The following LRP1B variants were observed in gnomAD, a reference collection of about 807,000 sequenced individuals.
The protein encoded by LRP1B is LDL receptor related protein 1B.
LRP1B carries 217 observed loss-of-function variants against 556.6 expected under a neutral mutation model. That is an observed-to-expected ratio of 0.39 (90% CI 0.35 to 0.44). LRP1B has a LOEUF of 0.44. Among genes scored for constraint, LRP1B ranks in the 20% least tolerant of loss-of-function variants. The pLI is 1.00. For missense variants in LRP1B, 5,053 were observed against 5,620.8 expected (o/e 0.90, Z 3.23); for synonymous variants, 2,047 against 1,865.8 (o/e 1.10, Z -2.50).
chr2:141,812,276 C>G (rs1356304597), intron 1 of LRP1B, among the ~76,000 whole-genome samples: 2 of 151,930 alleles, frequency 1.3e-5, no homozygotes, highest in Non-Finnish European at 2.9e-5. Flanking sequence ...AATTTATCAC[C>G]AAGCTGAGAG....
chr2:141,028,917 A>G (rs996553863), intron 11 of LRP1B, among the ~76,000 whole-genome samples: 2 of 152,122 alleles, frequency 1.3e-5, no homozygotes, highest in African/African-American at 2.4e-5. Flanking sequence ...CAGAATAATC[A>G]CAAAAGAGAA....
chr2:141,899,479 G>A (rs1465868045), intron 1 of LRP1B, among the ~76,000 whole-genome samples: 2 of 152,080 alleles, frequency 1.3e-5, no homozygotes, highest in African/African-American at 2.4e-5. Flanking sequence ...TTATAAATGA[G>A]AGCAGAGCAT....
intron 6 of LRP1B, among the ~76,000 whole-genome samples, chr2:141,196,012 G>C (rs1428326796): frequency 6.6e-6 from 1 of 151,958 alleles, no homozygotes; most frequent in Non-Finnish European, 1.5e-5. Flanking sequence ...GAGAAGCAGG[G>C]GTAAAGGGGC....
intron 4 of LRP1B, 56 bp downstream of exon 4, chr2:141,254,466 T>TGCGG: frequency 6.4e-7 from 1 of 1,569,352 alleles, no homozygotes; most frequent in East Asian, 2.3e-5. Context: ...CTGCTTACAT[T>TGCGG]TCTGTTAACT....
chr2:141,036,812 A>G (rs1468977781), intron 11 of LRP1B, among the ~76,000 whole-genome samples: 1 of 152,058 alleles, frequency 6.6e-6, no homozygotes, highest in Admixed American at 6.6e-5. Flanking sequence ...CTAACCCTGG[A>G]AAAGGGGCAC....
intron 70 of LRP1B, 51 bp from the exon 71 acceptor site, chr2:140,370,893 A>G (rs1330480533): frequency 2.0e-5 from 32 of 1,584,872 alleles, no homozygotes; most frequent in Non-Finnish European, 2.6e-5. Flanking sequence ...TAATGATACA[A>G]TCATGGGCAA....
chr2:140,976,068 T>A (rs1211739380), intron 18 of LRP1B, among the ~76,000 whole-genome samples: 1 of 151,788 alleles, frequency 6.6e-6, no homozygotes, highest in African/African-American at 2.4e-5. Flanking sequence ...CAGGTACCCA[T>A]CACCACCCCT....
chr2:141,380,144 G>A (rs1410695760), intron 3 of LRP1B, among the ~76,000 whole-genome samples: 1 of 151,564 alleles, frequency 6.6e-6, no homozygotes, highest in Non-Finnish European at 1.5e-5. Flanking sequence ...TAGTCCCCCA[G>A]AGTCTACAGA....
chr2:141,463,726 A>G (rs1682041930), intron 3 of LRP1B, among the ~76,000 whole-genome samples: 1 of 144,020 alleles, frequency 6.9e-6, no homozygotes, highest in Non-Finnish European at 1.5e-5. Context: ...TTGGTAGGAA[A>G]CATTTGGATA....
At chr2:141,909,526 A>ATTTTTTTTTTTTTTTTTTTTTTTTT (rs377577096) in intron 1 of LRP1B, among the ~76,000 whole-genome samples, 1 of 93,394 alleles carries the variant, frequency 1.1e-5, no homozygotes, top group Admixed American at 1.2e-4. Flanking sequence ...GGTCTCAGAC[A>ATTTTTTTTTTTTTTTTTTTTTTTTT]TTTTTTTTTT....
At chr2:141,161,866 C>G (rs1553468977) in intron 7 of LRP1B, among the ~76,000 whole-genome samples, 1 of 152,020 alleles carries the variant, frequency 6.6e-6, no homozygotes, top group African/African-American at 2.4e-5. Flanking sequence ...GATATGAGAG[C>G]AGGGGGAAGT....
intron 60 of LRP1B, among the ~76,000 whole-genome samples, chr2:140,471,868 C>A (rs576867624): frequency 6.6e-6 from 1 of 152,126 alleles, no homozygotes; most frequent in East Asian, 1.9e-4. Flanking sequence ...ATATGACTTC[C>A]AGTCATAGGC....
At chr2:140,744,241 T>C (rs1157381374) in intron 35 of LRP1B, among the ~76,000 whole-genome samples, 2 of 152,074 alleles carry the variant, frequency 1.3e-5, no homozygotes, top group East Asian at 1.9e-4. Context: ...ACATATACCA[T>C]TGCATTGTAT....
intron 33 of LRP1B, among the ~76,000 whole-genome samples, chr2:140,773,598 T>C (rs1689392262): frequency 6.6e-6 from 1 of 151,680 alleles, no homozygotes; most frequent in South Asian, 2.1e-4. Context: ...AATAGCCATA[T>C]ATAAGTATTA....
At chr2:142,016,251 G>A (rs568665843) in intron 1 of LRP1B, among the ~76,000 whole-genome samples, 9 of 152,060 alleles carry the variant, frequency 5.9e-5, no homozygotes, top group Admixed American at 2.6e-4. Flanking sequence ...TAGTTCAACC[G>A]TTGTGGAAGA....
intron 1 of LRP1B, among the ~76,000 whole-genome samples, chr2:141,979,132 G>A (rs1228514969): frequency 6.6e-6 from 1 of 151,836 alleles, no homozygotes. Flanking sequence ...GAAATAATAA[G>A]GATGAATAAA....
intron 2 of LRP1B, among the ~76,000 whole-genome samples, chr2:141,539,127 C>A (rs1685162100): frequency 6.6e-6 from 1 of 151,986 alleles, no homozygotes; most frequent in Non-Finnish European, 1.5e-5. Flanking sequence ...TATGTGGTAC[C>A]AACATTCCTG....
intron 2 of LRP1B, among the ~76,000 whole-genome samples, chr2:141,509,082 C>T (rs150902652): frequency 1.8e-3 from 273 of 152,058 alleles, no homozygotes; most frequent in African/African-American, 5.9e-3. Flanking sequence ...TTTGCAACTC[C>T]GGGTATCCAT....
At chr2:140,696,054 T>G (rs986965548) in intron 41 of LRP1B, among the ~76,000 whole-genome samples, 1 of 152,318 alleles carries the variant, frequency 6.6e-6, no homozygotes, top group Admixed American at 6.5e-5. Context: ...AATATGAATC[T>G]AGTTAAATAC....
Sources: gnomAD v4.1 joint callset for allele counts (sites outside exome capture counted in the v4.1 genomes callset) on GRCh38, gnomAD v4.1.1 for gene constraint, MANE v1.5 for transcripts, NCBI Gene and HGNC (gene_info 2026-07-23, HGNC 2026-07-21) for gene names.